MYOM1: variants seen among roughly 807,000 people sequenced by gnomAD.
MYOM1 encodes myomesin 1.
In MYOM1, 164 loss-of-function variants were observed where a neutral mutation model predicts 205.3. The observed-to-expected ratio is 0.80, with a 90% confidence interval of 0.70 to 0.91. The LOEUF is 0.91. MYOM1 is among the 40% of genes least tolerant of loss of function. The probability of loss-of-function intolerance (pLI) is 0.00; values close to 1 mark genes in which losing one functional copy is unlikely to be tolerated. For missense variants in MYOM1, 2,011 were observed against 2,127.3 expected, an observed-to-expected ratio of 0.95 and a Z score of 1.08; for synonymous variants, 772 against 789.4, an observed-to-expected ratio of 0.98 and a Z score of 0.37.
chr18:3,130,205 G>A (rs1020780708), intron 17 of MYOM1, among the ~76,000 whole-genome samples: 1 of 151,868 alleles, frequency 6.6e-6, no homozygotes, highest in Non-Finnish European at 1.5e-5. Context: ...ACCATACCCG[G>A]CTAATTTTTG....
chr18:3,187,112 ATGT>A (rs1414754964), intron 5 of MYOM1, among the ~76,000 whole-genome samples: 4 of 152,188 alleles, frequency 2.6e-5, no homozygotes, highest in African/African-American at 4.8e-5. Context: ...AAATCCTGCC[ATGT>A]TGTGTAAAGT....
At chr18:3,155,214 G>T in intron 10 of MYOM1, 126 bp from the exon 11 acceptor site, 1 of 977,566 alleles carries the variant, frequency 1.0e-6, no homozygotes, top group Non-Finnish European at 1.4e-6. Flanking sequence ...AACGCAGCAA[G>T]CATCAAATCT....
intron 2 of MYOM1, among the ~76,000 whole-genome samples, chr18:3,203,623 C>G (rs560067474): frequency 6.6e-6 from 1 of 151,860 alleles, no homozygotes; most frequent in East Asian, 1.9e-4. Context: ...AAGTAAAGAA[C>G]TCGAATTGGT....
In MYOM1 at chr18:3,070,201, A is replaced by G. The variant is rs2078943387; in HGVS notation, c.4764+1633T>C. 2.0e-5 allele frequency among the ~76,000 whole-genome samples: 3 copies of G among 152,192 alleles called. No individual in the cohort carries two copies. In the South Asian group the frequency reaches 6.2e-4, roughly 31 times the overall value. ...TCACTGTGTTGTCCAGGCTGAAGTGAAGTGGTATGGTGTCATGACTCACTG... is the reference window on the plus strand; with the variant it reads ...TCACTGTGTTGTCCAGGCTGAAGTGGAGTGGTATGGTGTCATGACTCACTG... On this transcript the variant is annotated intron_variant, in intron 37 of 37. Transcript: ENST00000356443.
chr18:3,147,840 T>C (rs1445261065), intron 13 of MYOM1, among the ~76,000 whole-genome samples: 6 of 152,162 alleles, frequency 3.9e-5, no homozygotes. Flanking sequence ...CTTCTTGTAA[T>C]GTAGAAAAAA....
At chr18:3,227,683 G>A in the MYOM1 span, among the ~76,000 whole-genome samples, 2 of 152,092 alleles carry the variant, frequency 1.3e-5, no homozygotes, top group African/African-American at 2.4e-5. Context: ...GCTGGGTATG[G>A]TGGCAGGCAC....
At chr18:3,098,438 C>T (rs2079334565) in intron 25 of MYOM1, among the ~76,000 whole-genome samples, 1 of 151,972 alleles carries the variant, frequency 6.6e-6, no homozygotes, top group South Asian at 2.1e-4. Context: ...CCACCACACC[C>T]AGCTAATTTT....
chr18:3,072,111 C>T (rs1210674405), intron 36 of MYOM1, among the ~76,000 whole-genome samples: 5 of 150,622 alleles, frequency 3.3e-5, no homozygotes, highest in African/African-American at 1.2e-4. Context: ...AGTGCAATGG[C>T]GGGATCTCGG....
chr18:3,230,522 T>C, the MYOM1 span, among the ~76,000 whole-genome samples: 2 of 152,242 alleles, frequency 1.3e-5, no homozygotes, highest in Non-Finnish European at 2.9e-5. Context: ...TGCATAGTAG[T>C]ATAACTTTGT....
At chr18:3,208,619 G>A (rs2081155330) in intron 2 of MYOM1, among the ~76,000 whole-genome samples, 1 of 152,076 alleles carries the variant, frequency 6.6e-6, no homozygotes, top group Admixed American at 6.5e-5. Context: ...TACCGTTCAG[G>A]AAATAATGTG....
intron 14 of MYOM1, among the ~76,000 whole-genome samples, chr18:3,136,180 C>T (rs998013693): frequency 1.3e-5 from 2 of 152,080 alleles, no homozygotes; most frequent in Middle Eastern, 3.2e-3. Context: ...GATTGTGAGG[C>T]CTCCCCAGCC....
chr18:3,111,638 T>C (rs1304219836), intron 22 of MYOM1, among the ~76,000 whole-genome samples: 1 of 152,184 alleles, frequency 6.6e-6, no homozygotes, highest in Non-Finnish European at 1.5e-5. Context: ...AGGAAAATTA[T>C]ACAAGATTGA....
chr18:3,089,418 T>A, intron 28 of MYOM1, 119 bp downstream of exon 28: 2 of 791,422 alleles, frequency 2.5e-6, no homozygotes, highest in Non-Finnish European at 3.9e-6. Context: ...ATTATTTTAA[T>A]TTACTAGGCA....
chr18:3,104,075 A>G (rs1035811971), intron 22 of MYOM1, among the ~76,000 whole-genome samples: 8 of 152,230 alleles, frequency 5.3e-5, no homozygotes, highest in Admixed American at 5.2e-4. Context: ...TTAAAGGGCT[A>G]TATGTATTCC....
At chr18:3,121,480 A>T (rs1268750104) in intron 19 of MYOM1, among the ~76,000 whole-genome samples, 1 of 152,250 alleles carries the variant, frequency 6.6e-6, no homozygotes, top group Non-Finnish European at 1.5e-5. Flanking sequence ...GTGCAATTAC[A>T]TCTTCAAAGC....
intron 22 of MYOM1, among the ~76,000 whole-genome samples, chr18:3,104,564 C>T (rs111970281): frequency 8.6e-4 from 131 of 152,100 alleles, no homozygotes; most frequent in African/African-American, 2.7e-3. Context: ...AGAAAGAATA[C>T]GAACAATTTA....
intron 10 of MYOM1, among the ~76,000 whole-genome samples, chr18:3,163,030 AAAAC>A (rs1350384754): frequency 1.5e-5 from 1 of 67,382 alleles, no homozygotes; most frequent in Non-Finnish European, 2.8e-5. Context: ...CCCACTCAAA[AAAAC>A]AAAAAAAAAC....
At chr18:3,115,629 G>A (rs1269762590) in intron 21 of MYOM1, among the ~76,000 whole-genome samples, 1 of 152,156 alleles carries the variant, frequency 6.6e-6, no homozygotes, top group Admixed American at 6.5e-5. Flanking sequence ...AGTTTCTGAG[G>A]CCCCGCTGGG....
intron 5 of MYOM1, among the ~76,000 whole-genome samples, chr18:3,185,441 C>T (rs56967905): frequency 0.013 from 1,922 of 152,144 alleles, 37 homozygotes; most frequent in African/African-American, 0.044. Context: ...ATTATTGATA[C>T]ATTTTAATTC....
Sources: allele counts gnomAD v4.1 joint callset (sites outside exome capture counted in the v4.1 genomes callset), GRCh38; gene constraint gnomAD v4.1.1; transcripts MANE v1.5; gene names NCBI Gene and HGNC (gene_info 2026-07-23, HGNC 2026-07-21).